The following CAMK2D variants were observed in gnomAD, a reference collection of about 807,000 sequenced individuals.
CAMK2D encodes calcium/calmodulin dependent protein kinase II delta.
In CAMK2D, 37 loss-of-function variants were observed where a neutral mutation model predicts 84.0. That is an observed-to-expected ratio of 0.44 (90% CI 0.34 to 0.58). The LOEUF (loss-of-function observed/expected upper bound fraction) is 0.58, where lower values mean the gene tolerates loss of function less well. Among genes scored for constraint, CAMK2D ranks in the 20% least tolerant of loss-of-function variants. The pLI is 0.02. For missense variants in CAMK2D, 448 were observed against 652.5 expected, an observed-to-expected ratio of 0.69 and a Z score of 3.41; for synonymous variants, 202 against 212.5, an observed-to-expected ratio of 0.95 and a Z score of 0.43.
chr4:113,468,470 C>T (rs1183214769), intron 16 of CAMK2D, among the ~76,000 whole-genome samples: 1 of 152,126 alleles, frequency 6.6e-6, no homozygotes, highest in African/African-American at 2.4e-5. Context: ...TTGAGTGAGT[C>T]ACAGGCGGCA....
chr4:113,720,515 G>C (rs1256071904), intron 2 of CAMK2D, among the ~76,000 whole-genome samples: 1 of 151,870 alleles, frequency 6.6e-6, no homozygotes, highest in Non-Finnish European at 1.5e-5. Context: ...ATCCTCTTAA[G>C]AAGACTGGTG....
chr4:113,651,836 A>C (rs1254070421), intron 3 of CAMK2D, among the ~76,000 whole-genome samples: 1 of 152,192 alleles, frequency 6.6e-6, no homozygotes, highest in African/African-American at 2.4e-5. Context: ...AGATGTGACC[A>C]CCTAAAAGAT....
intron 2 of CAMK2D, among the ~76,000 whole-genome samples, chr4:113,694,407 G>C (rs1010854608): frequency 6.6e-6 from 1 of 152,102 alleles, no homozygotes; most frequent in Admixed American, 6.6e-5. Context: ...AAGAAAAAAG[G>C]CATCGTGCAC....
chr4:113,565,662 A>G (rs2098720045), intron 4 of CAMK2D, among the ~76,000 whole-genome samples: 1 of 149,370 alleles, frequency 6.7e-6, no homozygotes, highest in Admixed American at 6.6e-5. Context: ...AAAAAAAAAA[A>G]AAAAGAAGTC....
chr4:113,719,251 T>C (rs1441371570), intron 2 of CAMK2D, among the ~76,000 whole-genome samples: 2 of 152,190 alleles, frequency 1.3e-5, no homozygotes, highest in Non-Finnish European at 2.9e-5. Flanking sequence ...GAGTCCCTCA[T>C]ACTAATGTTC....
At chr4:113,460,066 A>G (rs1194777939) in intron 18 of CAMK2D, 81 bp downstream of exon 18, 1 of 828,850 alleles carries the variant, frequency 1.2e-6, no homozygotes, top group African/African-American at 1.7e-5. Context: ...TCATTGTAGA[A>G]AAGAGCAAAA....
intron 16 of CAMK2D, among the ~76,000 whole-genome samples, chr4:113,492,496 G>C (rs527545978): frequency 1.3e-5 from 2 of 152,246 alleles, no homozygotes; most frequent in South Asian, 2.1e-4. Flanking sequence ...ATTGCACTGT[G>C]GTCTGAGAGA....
chr4:113,744,241 C>T (rs1279342174), intron 2 of CAMK2D, among the ~76,000 whole-genome samples: 2 of 152,118 alleles, frequency 1.3e-5, no homozygotes, highest in African/African-American at 4.8e-5. Flanking sequence ...CATTAAATAC[C>T]TATTTTATTT....
At chr4:113,625,723 G>C in intron 3 of CAMK2D, among the ~76,000 whole-genome samples, 1 of 152,128 alleles carries the variant, frequency 6.6e-6, no homozygotes, top group East Asian at 1.9e-4. Context: ...CATTATTAAA[G>C]GCTTTGGCCC....
At chr4:113,564,039 A>G (rs999894303) in intron 4 of CAMK2D, among the ~76,000 whole-genome samples, 3 of 152,038 alleles carry the variant, frequency 2.0e-5, no homozygotes, top group Admixed American at 2.0e-4. Context: ...TTTCTTTTAA[A>G]CTCTCATTTG....
At chr4:113,485,644 C>A (rs72905916) in intron 16 of CAMK2D, among the ~76,000 whole-genome samples, 1 of 152,206 alleles carries the variant, frequency 6.6e-6, no homozygotes. Context: ...CTTACCACAT[C>A]TTTCCTCTGC....
At chr4:113,696,229 CACAT>C (rs1440392638) in intron 2 of CAMK2D, among the ~76,000 whole-genome samples, 15 of 126,596 alleles carry the variant, frequency 1.2e-4, no homozygotes, top group Non-Finnish European at 1.6e-4. Context: ...CACACACACA[CACAT>C]ACACATATAC....
At chr4:113,503,152 T>C (rs1170532649) in intron 14 of CAMK2D, 175 bp from the exon 15 acceptor site, 5 of 724,020 alleles carry the variant, frequency 6.9e-6, no homozygotes, top group Non-Finnish European at 1.3e-5. Context: ...AAGATCTCCC[T>C]GGCGAGGCCA....
chr4:113,703,964 G>A lies in CAMK2D; in HGVS notation c.161-42192C>T, dbSNP rs1233524857. Among the ~76,000 whole-genome samples the A allele has an allele frequency of 1.2e-4, 17 of 147,226 alleles. No individual in the cohort carries two copies. The South Asian group carries it at 3.6e-3, about 31-fold the overall frequency. ...TTTTAAGAACCAGGTACTTCATGTG[G>A]CAAAATGATGGCTTCTTAAATCTCA... is the stretch of plus-strand genomic sequence containing the variant. On this transcript the variant is annotated intron_variant, in intron 2 of 20. Coordinates refer to ENST00000511664, the MANE Select transcript of CAMK2D (RefSeq NM_001321571.2).
chr4:113,602,877 C>T (rs999370062), intron 4 of CAMK2D, among the ~76,000 whole-genome samples: 1 of 152,162 alleles, frequency 6.6e-6, no homozygotes, highest in Non-Finnish European at 1.5e-5. Context: ...AGAGGGAAAA[C>T]AATTTTTCAA....
chr4:113,558,178 T>C (rs1313523156), intron 4 of CAMK2D, among the ~76,000 whole-genome samples: 9 of 152,224 alleles, frequency 5.9e-5, no homozygotes, highest in Admixed American at 5.9e-4. Context: ...CACAATGTAG[T>C]TAAACCACAT....
At chr4:113,518,914 T>C (rs965684153) in intron 8 of CAMK2D, among the ~76,000 whole-genome samples, 2 of 151,878 alleles carry the variant, frequency 1.3e-5, no homozygotes, top group Admixed American at 6.6e-5. Flanking sequence ...TTTTAAGTCA[T>C]GTGAATCAAT....
chr4:113,725,598 A>AT (rs1180771199), intron 2 of CAMK2D, among the ~76,000 whole-genome samples: 1 of 152,162 alleles, frequency 6.6e-6, no homozygotes, highest in Non-Finnish European at 1.5e-5. Context: ...TAATCTGCTT[A>AT]TAACAAATCA....
rs77220696 is a variant in CAMK2D, at chr4:113,618,298, C to T, written c.221-9092G>A. On this transcript the variant is annotated intron_variant, in intron 3 of 20. Transcript: ENST00000511664. ...AACATAGAACATTTATCTTGCCAAA[C>T]CAAAAATATGCTCTTCAAAAAATTA... 5.7e-3 allele frequency among the ~76,000 whole-genome samples: 860 copies of T among 152,210 alleles called. 29 individuals are homozygous for T. The East Asian group carries it at 0.11, about 20-fold the overall frequency.
Sources: allele counts gnomAD v4.1 joint callset (sites outside exome capture counted in the v4.1 genomes callset), GRCh38; gene constraint gnomAD v4.1.1; transcripts MANE v1.5; gene names NCBI Gene and HGNC (gene_info 2026-07-23, HGNC 2026-07-21).